MMP16: variants seen among roughly 807,000 people sequenced by gnomAD.
MMP16 encodes the protein matrix metallopeptidase 16.
A neutral mutation model predicts 67.8 loss-of-function variants in MMP16; 12 were observed. The observed-to-expected ratio is 0.18, with a 90% confidence interval of 0.11 to 0.29. The LOEUF (loss-of-function observed/expected upper bound fraction) is 0.29. Ranked by LOEUF, MMP16 falls within the 10% of genes least tolerant of loss-of-function variation. The pLI is 1.00. For synonymous variants in MMP16, 249 were observed against 255.9 expected (o/e 0.97, Z 0.26); for missense variants, 475 against 765.7 (o/e 0.62, Z 4.48).
chr8:88,098,632 G>T (rs1312334839), intron 6 of MMP16, among the ~76,000 whole-genome samples: 1 of 151,892 alleles, frequency 6.6e-6, no homozygotes, highest in Non-Finnish European at 1.5e-5. Context: ...AGGAATAAAT[G>T]AAACTAATTA....
At chr8:88,188,623 T>G (rs1177935008) in intron 2 of MMP16, among the ~76,000 whole-genome samples, 3 of 152,138 alleles carry the variant, frequency 2.0e-5, no homozygotes, top group Non-Finnish European at 4.4e-5. Flanking sequence ...AAAGATTTCT[T>G]TGTCAAGTGT....
At chr8:88,248,695 G>A (rs1810158188) in intron 1 of MMP16, among the ~76,000 whole-genome samples, 1 of 151,520 alleles carries the variant, frequency 6.6e-6, no homozygotes, top group African/African-American at 2.4e-5. Flanking sequence ...AATATTCCCA[G>A]AGGGACTTGC....
In MMP16 at chr8:88,327,065, G is replaced by T. The variant is rs779778064; in HGVS notation, c.132+10C>A. ...CAGCGGGGGGAGGAAGAAAGCCCTC[G>T]CACTCTTACCTCCACATTGAAATAC... is the stretch of plus-strand genomic sequence containing the variant. On this transcript the variant is annotated intron_variant, in intron 1 of 9. Coordinates refer to ENST00000286614, the MANE Select transcript of MMP16 (RefSeq NM_005941.5). 1 of 1,613,412 alleles carries T rather than the reference G, an allele frequency of 6.2e-7. No homozygotes were observed. The highest frequency in any genetic ancestry group is 8.5e-7 in the Non-Finnish European group (1 of 1,179,640).
intron 1 of MMP16, among the ~76,000 whole-genome samples, chr8:88,285,138 T>C (rs553940051): frequency 4.3e-4 from 66 of 152,190 alleles, no homozygotes; most frequent in Admixed American, 8.5e-4. Flanking sequence ...GTTTTTGTTG[T>C]TGTTGTTGTT....
At chr8:88,145,726 A>G (rs1808279533) in intron 4 of MMP16, among the ~76,000 whole-genome samples, 1 of 152,020 alleles carries the variant, frequency 6.6e-6, no homozygotes, top group Non-Finnish European at 1.5e-5. Flanking sequence ...GATAAAAGCA[A>G]TCTTCTTAGT....
At chr8:88,326,994 A>C in intron 1 of MMP16, 81 bp downstream of exon 1, 1 of 1,566,692 alleles carries the variant, frequency 6.4e-7, no homozygotes, top group Admixed American at 1.7e-5. Context: ...GCTCTGAGCT[A>C]CAAGGATCCC....
At chr8:88,227,712 C>G (rs1809792868) in intron 1 of MMP16, among the ~76,000 whole-genome samples, 1 of 151,952 alleles carries the variant, frequency 6.6e-6, no homozygotes, top group Non-Finnish European at 1.5e-5. Flanking sequence ...TCCACTCTTG[C>G]TCAAAGGACT....
intron 7 of MMP16, among the ~76,000 whole-genome samples, chr8:88,062,918 GTGGTTTTT>G (rs1808418653): frequency 6.6e-6 from 1 of 151,990 alleles, no homozygotes; most frequent in African/African-American, 2.4e-5. Flanking sequence ...CATATGACAG[GTGGTTTTT>G]TAACTACCCT....
intron 4 of MMP16, among the ~76,000 whole-genome samples, chr8:88,153,537 A>T (rs1037394534): frequency 1.3e-3 from 193 of 152,262 alleles, no homozygotes; most frequent in Non-Finnish European, 1.8e-3. Context: ...AATGGAACAG[A>T]ACAGAGCCCT....
intron 1 of MMP16, among the ~76,000 whole-genome samples, chr8:88,249,656 G>A (rs1216964449): frequency 1.3e-5 from 2 of 152,040 alleles, no homozygotes; most frequent in African/African-American, 4.8e-5. Context: ...AGTAGCTCTT[G>A]GGAATATCAT....
Position 88,167,991 on chromosome 8 carries a change from T to C in MMP16, c.405-18A>G, listed in dbSNP as rs753041264. 147 of 1,574,792 alleles carry C rather than the reference T, an allele frequency of 9.3e-5. No individual in the cohort carries two copies. The Middle Eastern group carries it at 5.3e-3, about 57-fold the overall frequency. The stretch of plus-strand genomic sequence containing the variant: ...TCTTTATACTGAAAGTTAGAAAATA[T>C]AATCATCAGTATTGTTATGTATAAG... On this transcript the variant is annotated intron_variant, in intron 3 of 9. Coordinates refer to ENST00000286614, the MANE Select transcript of MMP16 (RefSeq NM_005941.5).
At chr8:88,121,087 T>C (rs1208795177) in intron 4 of MMP16, among the ~76,000 whole-genome samples, 3 of 150,776 alleles carry the variant, frequency 2.0e-5, no homozygotes, top group East Asian at 3.9e-4. Flanking sequence ...TTTTTTTTTT[T>C]CCGTTTTTGG....
chr8:88,088,043 G>T lies in MMP16; in HGVS notation c.1084-13300C>A, dbSNP rs199570472. Among the ~76,000 whole-genome samples the T allele has an allele frequency of 3.9e-4, 38 of 96,676 alleles. 1 individual carries two copies. The highest frequency in any genetic ancestry group is 1.5e-3 in the African/African-American group (35 of 22,982). The allele number at this position is 96,676 out of a possible 152,430, so 63.4% of individuals were successfully genotyped here. On this transcript the variant is annotated intron_variant, in intron 6 of 9. Coordinates refer to ENST00000286614, the MANE Select transcript of MMP16 (RefSeq NM_005941.5). ...TCTATATTATATATATAGATATATA[G>T]ATATCTATTATATCTATATATAATA... is the stretch of plus-strand genomic sequence containing the variant.
intron 1 of MMP16, among the ~76,000 whole-genome samples, chr8:88,302,008 C>T (rs1231062033): frequency 1.3e-5 from 2 of 152,124 alleles, no homozygotes; most frequent in Admixed American, 1.3e-4. Flanking sequence ...TGCCAGAATG[C>T]CTGCTTTTTG....
intron 1 of MMP16, among the ~76,000 whole-genome samples, chr8:88,245,818 C>T (rs904711672): frequency 1.3e-4 from 20 of 152,192 alleles, no homozygotes; most frequent in African/African-American, 4.6e-4. Flanking sequence ...GATGCACATT[C>T]CCAAGGTGCA....
chr8:88,169,356 T>C (rs905978817), intron 3 of MMP16, among the ~76,000 whole-genome samples: 1 of 152,176 alleles, frequency 6.6e-6, no homozygotes, highest in Non-Finnish European at 1.5e-5. Flanking sequence ...ATGAGCTAGA[T>C]GAGCACTTCA....
chr8:88,223,365 A>G (rs191748993), intron 1 of MMP16, among the ~76,000 whole-genome samples: 3 of 152,238 alleles, frequency 2.0e-5, no homozygotes, highest in East Asian at 1.9e-4. Flanking sequence ...AGGATTTTAA[A>G]TCATGCTACT....
chr8:88,235,056 A>G (rs1809918931), intron 1 of MMP16, among the ~76,000 whole-genome samples: 2 of 152,130 alleles, frequency 1.3e-5, no homozygotes, highest in African/African-American at 2.4e-5. Context: ...GTATCACCCC[A>G]AAATTTTCAG....
intron 1 of MMP16, among the ~76,000 whole-genome samples, chr8:88,226,575 T>A (rs1455940824): frequency 6.6e-6 from 1 of 152,118 alleles, no homozygotes; most frequent in Non-Finnish European, 1.5e-5. Context: ...AATCATGTAT[T>A]CAGTAAAATT....
Sources: gnomAD v4.1 joint callset for allele counts (sites outside exome capture counted in the v4.1 genomes callset) on GRCh38, gnomAD v4.1.1 for gene constraint, MANE v1.5 for transcripts, NCBI Gene and HGNC (gene_info 2026-07-23, HGNC 2026-07-21) for gene names.